The following ST6GALNAC1 variants were observed in gnomAD, a reference collection of about 807,000 sequenced individuals.
ST6GALNAC1 encodes alpha-N-acetylgalactosaminide alpha-2,6-sialyltransferase 1.
A neutral mutation model predicts 56.8 loss-of-function variants in ST6GALNAC1; 45 were observed. The ratio of observed to expected loss-of-function variants is 0.79; its 90% CI spans 0.62 to 1.02. ST6GALNAC1 has a LOEUF of 1.02. Ranked by LOEUF, ST6GALNAC1 falls within the 50% of genes least tolerant of loss-of-function variation. The pLI, the probability that ST6GALNAC1 is intolerant of heterozygous loss-of-function variation, is 0.00. For missense variants in ST6GALNAC1, 743 were observed against 754.8 expected, an observed-to-expected ratio of 0.98 and a Z score of 0.18; for synonymous variants, 295 against 297.8, an observed-to-expected ratio of 0.99 and a Z score of 0.10.
At chr17:76,638,378 T>A (rs1211951658) in intron 1 of ST6GALNAC1, among the ~76,000 whole-genome samples, 1 of 151,940 alleles carries the variant, frequency 6.6e-6, no homozygotes, top group Non-Finnish European at 1.5e-5. Flanking sequence ...TAGAATTGTA[T>A]TTTTTATTTT....
intron 1 of ST6GALNAC1, among the ~76,000 whole-genome samples, chr17:76,639,404 T>C (rs1027881826): frequency 6.6e-6 from 1 of 151,896 alleles, no homozygotes; most frequent in African/African-American, 2.4e-5. Context: ...GGCAAAACCC[T>C]GTCTCCACTA....
At chr17:76,638,049 A>G (rs1174951036) in intron 1 of ST6GALNAC1, among the ~76,000 whole-genome samples, 1 of 151,728 alleles carries the variant, frequency 6.6e-6, no homozygotes, top group East Asian at 1.9e-4. Flanking sequence ...AGGCTGGAGA[A>G]CATAAAGTGA....
At chr17:76,628,957 C>A (rs754109885) in intron 2 of ST6GALNAC1, 55 bp downstream of exon 2, 66 of 1,488,448 alleles carry the variant, frequency 4.4e-5, no homozygotes, top group Non-Finnish European at 5.9e-5. Context: ...GGCTTCCTCT[C>A]AGGAGGGGCT....
In ST6GALNAC1 at chr17:76,627,293, A is replaced by G. The variant is rs1457966561; in HGVS notation, c.1001-55T>C. On this transcript the variant is annotated intron_variant, in intron 3 of 8. Transcript: ENST00000156626. This position sits in a 1 kb window ranked among gnomAD's most constrained non-coding sequence, Gnocchi z 4.4. The stretch of plus-strand genomic sequence containing the variant: ...GAGCCCTGGGAGGGACAGGAGTCCG[A>G]CCCATCATTCCTCCCAGGTCTGGCA... The G allele has an allele frequency of 2.6e-6, 4 of 1,555,262 alleles. No homozygotes were observed. The highest frequency in any genetic ancestry group is 3.5e-6 in the Non-Finnish European group (4 of 1,149,768).
Position 76,643,718 on chromosome 17 carries a change from G to A in ST6GALNAC1, c.-80C>T. 6.8e-7 allele frequency: 1 copy of A among 1,469,838 alleles called. No homozygotes were observed. Among genetic ancestry groups the A allele is most frequent in the Non-Finnish European group, 9.4e-7 (1 of 1,066,508 alleles). 91.0% of individuals were successfully genotyped at this position (1,469,838 alleles called of 1,614,324 possible). ...GGCAGCTGGGAGTCTCACCGCTCAG[G>A]TTTCCTGGCCAGGAAGTGCACACCC... On this transcript the variant is annotated 5_prime_UTR_variant, in exon 1 of 9. Transcript: ENST00000156626.
intron 1 of ST6GALNAC1, among the ~76,000 whole-genome samples, chr17:76,636,679 C>T (rs1002537040): frequency 3.4e-5 from 5 of 145,614 alleles, no homozygotes; most frequent in Admixed American, 6.7e-5. Flanking sequence ...CAGCCGCCGC[C>T]CCGTCTGGGA....
At chr17:76,626,574 C>T (rs1478132041) in intron 5 of ST6GALNAC1, 77 bp downstream of exon 5, 4 of 1,594,492 alleles carry the variant, frequency 2.5e-6, no homozygotes, top group South Asian at 2.2e-5. Context: ...GGATGAAAGC[C>T]TCTCCTCTCC....
At chr17:76,626,911 G>A (rs1290951630) in intron 4 of ST6GALNAC1, 122 bp from the exon 5 acceptor site, 4 of 1,486,676 alleles carry the variant, frequency 2.7e-6, no homozygotes, top group African/African-American at 1.4e-5. Flanking sequence ...TCTCTCGAGA[G>A]CCCAGGAATT....
chr17:76,638,814 C>T (rs1348291113), intron 1 of ST6GALNAC1, among the ~76,000 whole-genome samples: 1 of 152,160 alleles, frequency 6.6e-6, no homozygotes. Flanking sequence ...CTCCTGACCT[C>T]AGGTGATCTG....
chr17:76,632,044 T>G (rs778454819), intron 1 of ST6GALNAC1, among the ~76,000 whole-genome samples: 2 of 152,108 alleles, frequency 1.3e-5, no homozygotes, highest in African/African-American at 4.8e-5. Flanking sequence ...GTCTGACTAC[T>G]CAGTGTAACC....
chr17:76,627,667 G>A lies in ST6GALNAC1; in HGVS notation c.832-84C>T. ...GCTGCACCACTGCAGCAAGGGCTGG[G>A]GCTCGCAGTTTGGAAGGCGCGGCCT... On this transcript the variant is annotated intron_variant, in intron 2 of 8. Coordinates refer to ENST00000156626, the MANE Select transcript of ST6GALNAC1 (RefSeq NM_018414.5). The surrounding 1 kb of genome is among the most constrained non-coding windows in gnomAD (Gnocchi z 4.4). The A allele has an allele frequency of 7.2e-7, 1 of 1,379,994 alleles. No individual in the cohort carries two copies. Among genetic ancestry groups the A allele is most frequent in the Non-Finnish European group, 1.0e-6 (1 of 1,001,278 alleles). 85.5% of individuals were successfully genotyped at this position (1,379,994 alleles called of 1,614,324 possible).
intron 1 of ST6GALNAC1, among the ~76,000 whole-genome samples, chr17:76,642,697 G>A (rs1036676815): frequency 6.6e-6 from 1 of 152,134 alleles, no homozygotes; most frequent in African/African-American, 2.4e-5. Flanking sequence ...TTGGGAGGCC[G>A]AGGTGGGTAG....
At position 76,643,588 on chromosome 17, in the gene ST6GALNAC1, C is replaced by A; in HGVS notation, c.51G>T (p.Trp17Cys). The change falls in exon 1 of 9, where the codon TGG becomes TGT. Residue 17 changes from tryptophan to cysteine, a missense_variant. Trp to Cys is a radical substitution (Grantham distance 215, BLOSUM62 -2). Transcript: ENST00000156626. ...RCRHLSQGVQ[W>C]SLLLAVLVFF... Reference sequence around the variant, plus strand: ...AGACCAGGACAGCCAGAAGCAAGGACCACTGGACGCCTTGGCTCAGGTGCC... The same window carrying A: ...AGACCAGGACAGCCAGAAGCAAGGAACACTGGACGCCTTGGCTCAGGTGCC... 6.2e-7 allele frequency: 1 copy of A among 1,614,150 alleles called. No homozygotes were observed. Among genetic ancestry groups the A allele is most frequent in the Non-Finnish European group, 8.5e-7 (1 of 1,179,992 alleles).
intron 1 of ST6GALNAC1, among the ~76,000 whole-genome samples, chr17:76,636,164 C>T (rs1184126881): frequency 4.6e-5 from 7 of 152,264 alleles, no homozygotes; most frequent in Middle Eastern, 3.4e-3. Context: ...CATGAACAGC[C>T]GCATCCCTTT....
intron 1 of ST6GALNAC1, among the ~76,000 whole-genome samples, chr17:76,640,615 CAAAAG>C (rs2076037834): frequency 6.6e-6 from 1 of 152,068 alleles, no homozygotes; most frequent in Non-Finnish European, 1.5e-5. Flanking sequence ...ACATCATACA[CAAAAG>C]AAAATTTCTG....
rs1195014935 is a variant in ST6GALNAC1, at chr17:76,626,074, A to G, written c.1437T>C (p.Phe479=). The G allele has an allele frequency of 1.2e-6, 2 of 1,613,990 alleles. No individual in the cohort carries two copies. Among genetic ancestry groups the G allele is most frequent in the African/African-American group, 1.3e-5 (1 of 74,898 alleles). ...FWFRHRPQEA[F]REALHMDRYL... ...ACCTGTCCATGTGCAGGGCTTCCCG[A>G]AAAGCTTCCTGGGGTCTGTGCCTGT... Residue 479 remains phenylalanine (F), a synonymous_variant, in exon 7 of 9, where the codon TTT becomes TTC. Coordinates refer to ENST00000156626, the MANE Select transcript of ST6GALNAC1 (RefSeq NM_018414.5).
chr17:76,638,968 T>C (rs1334221429), intron 1 of ST6GALNAC1, among the ~76,000 whole-genome samples: 1 of 152,176 alleles, frequency 6.6e-6, no homozygotes, highest in Non-Finnish European at 1.5e-5. Context: ...TCTCAGTCCT[T>C]TCTTCCTGTT....
chr17:76,642,040 C>T (rs539748015), intron 1 of ST6GALNAC1: 3 of 150,080 alleles, frequency 2.0e-5, no homozygotes, highest in South Asian at 2.1e-4. Flanking sequence ...TCTATATATA[C>T]AATATATCTA....
chr17:76,632,910 T>C (rs1000547912), intron 1 of ST6GALNAC1, among the ~76,000 whole-genome samples: 3 of 152,192 alleles, frequency 2.0e-5, no homozygotes, highest in African/African-American at 7.2e-5. Flanking sequence ...TGCACTTTAA[T>C]AAATGAATTT....
Sources: allele counts gnomAD v4.1 joint callset (sites outside exome capture counted in the v4.1 genomes callset), GRCh38; gene constraint gnomAD v4.1.1; non-coding constraint Gnocchi (gnomAD v3.1); transcripts MANE v1.5; gene names NCBI Gene and HGNC (gene_info 2026-07-23, HGNC 2026-07-21).